Variants in HDAC8 observed in about 807,000 individuals in gnomAD.
The protein encoded by HDAC8 is histone deacetylase-like 1.
Under a neutral mutation model 32.2 loss-of-function variants are expected in HDAC8, and 1 was observed. The ratio of observed to expected loss-of-function variants is 0.03; its 90% CI spans 0.01 to 0.15. HDAC8 has a LOEUF of 0.15. Ranked by LOEUF, HDAC8 falls within the 10% of genes least tolerant of loss-of-function variation. HDAC8 has a pLI of 1.00. For synonymous variants in HDAC8, 108 were observed against 113.9 expected (o/e 0.95, Z 0.33); for missense variants, 117 against 300.0 (o/e 0.39, Z 4.51).
intron 9 of HDAC8, among the ~76,000 whole-genome samples, chrX:72,425,578 C>G (rs1179181942): frequency 8.9e-6 from 1 of 112,128 alleles, no homozygotes; most frequent in Non-Finnish European, 1.9e-5. Context: ...TATTCTTTAT[C>G]TTTACTGATT....
At chrX:72,421,636 T>C (rs1280196854) in intron 9 of HDAC8, among the ~76,000 whole-genome samples, 1 of 112,718 alleles carries the variant, frequency 8.9e-6, no homozygotes, top group Non-Finnish European at 1.9e-5. Flanking sequence ...CATAGATTTA[T>C]AATTTTTATG....
chrX:72,422,827 C>A (rs1443698153), intron 9 of HDAC8, among the ~76,000 whole-genome samples: 4 of 110,231 alleles, frequency 3.6e-5, no homozygotes, highest in African/African-American at 1.3e-4. Context: ...ATTTAGATAG[C>A]CCTCTGACAG....
chrX:72,439,942 A>G, intron 9 of HDAC8, among the ~76,000 whole-genome samples: 1 of 111,947 alleles, frequency 8.9e-6, no homozygotes, highest in Non-Finnish European at 1.9e-5. Flanking sequence ...AAGGATATTC[A>G]GGACTTGAAC....
chrX:72,462,801 A>G (rs1490601863), intron 8 of HDAC8, among the ~76,000 whole-genome samples: 1 of 111,787 alleles, frequency 8.9e-6, no homozygotes, highest in African/African-American at 3.2e-5. Flanking sequence ...GCATTAGAAC[A>G]TTGGCCTTTA....
At chrX:72,535,569 T>C (rs1265053576) in intron 4 of HDAC8, among the ~76,000 whole-genome samples, 1 of 111,823 alleles carries the variant, frequency 8.9e-6, no homozygotes, top group Non-Finnish European at 1.9e-5. Context: ...CTTTGCTTTA[T>C]GTTAGTGCAT....
chrX:72,572,126 A>T lies in HDAC8; in HGVS notation c.112-17T>A. 4.9e-6 allele frequency: 1 copy of T among 202,305 alleles called. No individual in the cohort carries two copies. Among genetic ancestry groups the T allele is most frequent in the East Asian group, 1.8e-4 (1 of 5,682 alleles). 16.7% of individuals were successfully genotyped at this position (202,305 alleles called of 1,213,427 possible). On this transcript the variant is annotated splice_polypyrimidine_tract_variant and intron_variant, in intron 1 of 10. Coordinates refer to ENST00000373573, the MANE Select transcript of HDAC8 (RefSeq NM_018486.3). The stretch of plus-strand genomic sequence containing the variant: ...CATACTGGCCTAAAAACATCAGCGT[A>T]AAAAAAAAAAAAGAAAAGCAGAAAT...
chrX:72,559,067 C>T (rs1320342212), intron 4 of HDAC8, among the ~76,000 whole-genome samples: 1 of 68,121 alleles, frequency 1.5e-5, no homozygotes, highest in African/African-American at 5.5e-5. Context: ...CCTCCCCCTC[C>T]CCACGGTCTC....
Position 72,495,134 on chromosome X carries a change from T to A in HDAC8, c.550+22A>T, listed in dbSNP as rs782588350. On this transcript the variant is annotated intron_variant, in intron 5 of 10. Coordinates refer to ENST00000373573, the MANE Select transcript of HDAC8 (RefSeq NM_018486.3). ...AACCTGCTGTCCTCGCAGCAAAGCATCTTTAAAACCAAAGGGCTTACCATC... is the reference window on the plus strand; with the variant it reads ...AACCTGCTGTCCTCGCAGCAAAGCAACTTTAAAACCAAAGGGCTTACCATC... 40 of 1,097,310 alleles carry A rather than the reference T, an allele frequency of 3.6e-5. No homozygotes were observed. In the Admixed American group the frequency reaches 9.0e-4, roughly 25 times the overall value. The allele number at this position is 1,097,310 out of a possible 1,213,427, so 90.4% of individuals were successfully genotyped here.
intron 4 of HDAC8, among the ~76,000 whole-genome samples, chrX:72,529,214 G>A (rs920652848): frequency 9.8e-5 from 11 of 112,291 alleles, no homozygotes; most frequent in Non-Finnish European, 1.7e-4. Flanking sequence ...TTAATCCCTG[G>A]AACCTATGAA....
chrX:72,505,114 TAA>T (rs1221409235), intron 4 of HDAC8, among the ~76,000 whole-genome samples: 3 of 110,983 alleles, frequency 2.7e-5, no homozygotes, highest in South Asian at 3.8e-4. Context: ...TGTTGAGTTA[TAA>T]GAGTTCTTTT....
intron 9 of HDAC8, among the ~76,000 whole-genome samples, chrX:72,388,206 G>A (rs2045506528): frequency 9.1e-6 from 1 of 109,905 alleles, no homozygotes; most frequent in South Asian, 4.0e-4. Context: ...CTGGGAGGGT[G>A]TGTGTGTGTG....
At chrX:72,383,555 T>A (rs1555960466) in intron 9 of HDAC8, among the ~76,000 whole-genome samples, 1 of 112,283 alleles carries the variant, frequency 8.9e-6, no homozygotes, top group Non-Finnish European at 1.9e-5. Context: ...GAATTGCTTT[T>A]GTGAATCCAC....
chrX:72,512,982 T>G (rs984294296), intron 4 of HDAC8, among the ~76,000 whole-genome samples: 1 of 111,858 alleles, frequency 8.9e-6, no homozygotes, highest in African/African-American at 3.3e-5. Flanking sequence ...ACATAAAATG[T>G]TCTTCAAGCC....
At chrX:72,546,578 G>A (rs188838099) in intron 4 of HDAC8, among the ~76,000 whole-genome samples, 184 of 111,108 alleles carry the variant, frequency 1.7e-3, no homozygotes, top group African/African-American at 5.7e-3. Flanking sequence ...AGGAGTCACC[G>A]TGCTGGGTGA....
intron 4 of HDAC8, among the ~76,000 whole-genome samples, chrX:72,552,178 A>G (rs1556073651): frequency 8.9e-6 from 1 of 112,378 alleles, no homozygotes; most frequent in African/African-American, 3.2e-5. Flanking sequence ...ATAAAAATAT[A>G]GGGCTGGATG....
intron 7 of HDAC8, among the ~76,000 whole-genome samples, chrX:72,480,671 A>T (rs1196955237): frequency 4.4e-5 from 5 of 112,443 alleles, no homozygotes; most frequent in Non-Finnish European, 9.4e-5. Context: ...CATCAATGAT[A>T]GACTGGATAA....
At chrX:72,563,491 A>C (rs892392838) in intron 4 of HDAC8, among the ~76,000 whole-genome samples, 5 of 111,417 alleles carry the variant, frequency 4.5e-5, no homozygotes, top group African/African-American at 1.3e-4. Context: ...GCAGTGAGCC[A>C]AGACCGTGCA....
chrX:72,467,590 A>G (rs1555995507), intron 7 of HDAC8: 3 of 142,860 alleles, frequency 2.1e-5, no homozygotes, highest in Non-Finnish European at 3.9e-5. Context: ...TGGGCTATAT[A>G]TGCCCGGCAG....
chrX:72,489,199 TA>T, intron 6 of HDAC8, 158 bp from the exon 7 acceptor site: 1 of 481,858 alleles, frequency 2.1e-6, no homozygotes, highest in Middle Eastern at 3.8e-4. Context: ...AGGCAAATCA[TA>T]AGGAAACTGA....
Sources: allele counts gnomAD v4.1 joint callset (sites outside exome capture counted in the v4.1 genomes callset), GRCh38; gene constraint gnomAD v4.1.1; transcripts MANE v1.5; gene names NCBI Gene and HGNC (gene_info 2026-07-23, HGNC 2026-07-21).